The following TBC1D8 variants were observed in gnomAD, a reference collection of about 807,000 sequenced individuals.
TBC1D8 encodes TBC1 domain family member 8.
In TBC1D8, 65 loss-of-function variants were observed where a neutral mutation model predicts 118.8. The ratio of observed to expected loss-of-function variants is 0.55; its 90% CI spans 0.45 to 0.67. The LOEUF (loss-of-function observed/expected upper bound fraction) is 0.67, where lower values mean the gene tolerates loss of function less well. Ranked by LOEUF, TBC1D8 falls within the 30% of genes least tolerant of loss-of-function variation. The pLI is 0.00. For missense variants in TBC1D8, 1,376 were observed against 1,471.2 expected (o/e 0.94, Z 1.06); for synonymous variants, 566 against 595.8 (o/e 0.95, Z 0.73).
intron 9 of TBC1D8, 77 bp downstream of exon 9, chr2:101,035,941 C>A: frequency 6.6e-7 from 1 of 1,525,882 alleles, no homozygotes; most frequent in Non-Finnish European, 9.0e-7. Context: ...CATAAACACA[C>A]GCGCTGCTCG....
intron 1 of TBC1D8, among the ~76,000 whole-genome samples, chr2:101,147,778 C>A (rs1233834201): frequency 6.6e-6 from 1 of 152,108 alleles, no homozygotes; most frequent in Non-Finnish European, 1.5e-5. Context: ...GGAGAGAGGG[C>A]AGCAATGTTG....
At chr2:101,011,161 G>C in intron 18 of TBC1D8, 135 bp from the exon 19 acceptor site, 2 of 870,906 alleles carry the variant, frequency 2.3e-6, no homozygotes, top group Non-Finnish European at 3.5e-6. Context: ...TGGAAAGCAA[G>C]AGATTCCCCT....
At chr2:101,042,957 G>A (rs777977639) in intron 5 of TBC1D8, among the ~76,000 whole-genome samples, 2 of 152,066 alleles carry the variant, frequency 1.3e-5, no homozygotes, top group Admixed American at 6.5e-5. Flanking sequence ...CCGGACACAC[G>A]CCTTTTCTGC....
chr2:101,070,465 T>G (rs965904806), intron 2 of TBC1D8, among the ~76,000 whole-genome samples: 1 of 150,330 alleles, frequency 6.7e-6, no homozygotes, highest in Non-Finnish European at 1.5e-5. Context: ...CAGGCTGGAG[T>G]GCAGTGGCAC....
intron 5 of TBC1D8, among the ~76,000 whole-genome samples, chr2:101,042,440 A>G (rs1681442192): frequency 6.6e-6 from 1 of 152,176 alleles, no homozygotes; most frequent in African/African-American, 2.4e-5. Flanking sequence ...TGGCTTGCTT[A>G]TGTACTCTGT....
chr2:101,118,089 C>G (rs145928374), intron 1 of TBC1D8, among the ~76,000 whole-genome samples: 1 of 152,012 alleles, frequency 6.6e-6, no homozygotes, highest in Non-Finnish European at 1.5e-5. Flanking sequence ...CATAAAGTCA[C>G]GAATGAGTGA....
chr2:101,039,008 C>A (rs1681215734), intron 6 of TBC1D8, among the ~76,000 whole-genome samples: 1 of 152,056 alleles, frequency 6.6e-6, no homozygotes, highest in African/African-American at 2.4e-5. Context: ...ATATGAGGTA[C>A]CTGGAGGAGT....
rs929329438 is a variant in TBC1D8 at position 101,007,613 on chromosome 2, A to G, written c.*208T>C. On this transcript the variant is annotated 3_prime_UTR_variant, in exon 20 of 20. Transcript: ENST00000409318. Reference sequence around the variant, plus strand: ...TTGTAAGTTGGCATCAAGGGAACCAATGGATACCTTAGGGCACTGACAATT... The same window carrying G: ...TTGTAAGTTGGCATCAAGGGAACCAGTGGATACCTTAGGGCACTGACAATT... 1.6e-5 allele frequency: 9 copies of G among 573,182 alleles called. No homozygotes were observed. Among genetic ancestry groups the G allele is most frequent in the Middle Eastern group, 4.6e-4 (1 of 2,192 alleles). The allele number at this position is 573,182 out of a possible 1,614,324, so 35.5% of individuals were successfully genotyped here. A position where few individuals can be genotyped will look rare whatever the true frequency, so the allele number is the denominator to read the frequency against.
In TBC1D8 at chr2:101,124,729, G is replaced by C. The variant is rs551164578; in HGVS notation, c.127+26398C>G. ...GCTTAGGGACATGGTCCCTGGGTTG[G>C]TACACAGCCCAGGTCTATCAGCTGC... On this transcript the variant is annotated intron_variant, in intron 1 of 19. Transcript: ENST00000409318. Among the ~76,000 whole-genome samples, 7 of 152,292 alleles carry C rather than the reference G, an allele frequency of 4.6e-5. No individual in the cohort carries two copies. In the South Asian group the frequency reaches 1.0e-3, roughly 23 times the overall value.
At chr2:101,095,185 C>A in intron 1 of TBC1D8, among the ~76,000 whole-genome samples, 1 of 152,116 alleles carries the variant, frequency 6.6e-6, no homozygotes, top group South Asian at 2.1e-4. Flanking sequence ...GAAAAGTAAT[C>A]ATTGTTCAAT....
intron 4 of TBC1D8, among the ~76,000 whole-genome samples, chr2:101,051,158 A>G (rs1397936789): frequency 6.6e-6 from 1 of 152,190 alleles, no homozygotes. Flanking sequence ...CAGTCTACCA[A>G]TGATGGGCAT....
chr2:101,009,962 C>A (rs905451480), intron 19 of TBC1D8, among the ~76,000 whole-genome samples: 1 of 151,846 alleles, frequency 6.6e-6, no homozygotes, highest in Non-Finnish European at 1.5e-5. Flanking sequence ...GCTGGGACTA[C>A]AGGCGCCCGC....
At chr2:101,056,236 C>A (rs55687020) in intron 3 of TBC1D8, among the ~76,000 whole-genome samples, 1 of 150,456 alleles carries the variant, frequency 6.6e-6, no homozygotes, top group Admixed American at 6.6e-5. Context: ...GACAGTCTCG[C>A]TCTGTCGCCC....
chr2:101,064,121 C>T, intron 2 of TBC1D8, among the ~76,000 whole-genome samples: 1 of 152,104 alleles, frequency 6.6e-6, no homozygotes, highest in East Asian at 1.9e-4. Context: ...ATGTTGAAGC[C>T]CCTGCTCCCA....
chr2:101,126,297 AG>A (rs1349054400), intron 1 of TBC1D8, among the ~76,000 whole-genome samples: 1 of 152,210 alleles, frequency 6.6e-6, no homozygotes, highest in African/African-American at 2.4e-5. Context: ...AGCTCCCACC[AG>A]GCCGTACCTC....
intron 2 of TBC1D8, among the ~76,000 whole-genome samples, chr2:101,083,582 A>G (rs1675404094): frequency 6.6e-6 from 1 of 152,222 alleles, no homozygotes; most frequent in Admixed American, 6.5e-5. Flanking sequence ...GCCAAATAAT[A>G]ATGTAGTTCA....
chr2:101,131,123 G>A (rs1678572868), intron 1 of TBC1D8, among the ~76,000 whole-genome samples: 2 of 152,052 alleles, frequency 1.3e-5, no homozygotes, highest in South Asian at 4.1e-4. Flanking sequence ...GGCTGGTCTT[G>A]AACTCCTTGG....
At chr2:101,091,031 C>T (rs754171439) in intron 1 of TBC1D8, among the ~76,000 whole-genome samples, 3 of 152,132 alleles carry the variant, frequency 2.0e-5, no homozygotes, top group Non-Finnish European at 2.9e-5. Flanking sequence ...GCCTGTAATC[C>T]CAGCACTTTG....
At chr2:101,091,453 C>T (rs371512455) in intron 1 of TBC1D8, among the ~76,000 whole-genome samples, 14 of 149,350 alleles carry the variant, frequency 9.4e-5, no homozygotes, top group African/African-American at 3.2e-4. Context: ...AAGCTGGGTG[C>T]GGTGGCTCAT....
Sources: gnomAD v4.1 joint callset for allele counts (sites outside exome capture counted in the v4.1 genomes callset) on GRCh38, gnomAD v4.1.1 for gene constraint, MANE v1.5 for transcripts, NCBI Gene and HGNC (gene_info 2026-07-23, HGNC 2026-07-21) for gene names.